Variants in RP1L1 observed in about 807,000 individuals in gnomAD.
The protein encoded by RP1L1 is retinitis pigmentosa 1-like 1 protein.
In RP1L1, 27 loss-of-function variants were observed where a neutral mutation model predicts 15.7. The observed-to-expected ratio is 1.72, with a 90% CI of 1.27 to 2.38. RP1L1 has a LOEUF of 2.38. RP1L1 is among the 30% of genes most tolerant of loss of function. The pLI is 0.00. For missense variants in RP1L1, 4,798 were observed against 3,075.9 expected (o/e 1.56, Z -13.24); for synonymous variants, 1,813 against 1,276.7 (o/e 1.42, Z -8.96).
At chr8:10,632,727 C>T (rs369054882) in intron 1 of RP1L1, among the ~76,000 whole-genome samples, 39 of 152,336 alleles carry the variant, frequency 2.6e-4, no homozygotes, top group East Asian at 1.4e-3. Flanking sequence ...AATGAGTAAA[C>T]GGATCAACAT....
At chr8:10,633,546 C>T (rs549494086) in intron 1 of RP1L1, among the ~76,000 whole-genome samples, 40 of 152,330 alleles carry the variant, frequency 2.6e-4, no homozygotes, top group African/African-American at 9.1e-4. Flanking sequence ...GATGACTCTA[C>T]TATGTGCTAG....
At chr8:10,641,287 A>T (rs942000399) in intron 1 of RP1L1, among the ~76,000 whole-genome samples, 3 of 152,212 alleles carry the variant, frequency 2.0e-5, no homozygotes, top group Non-Finnish European at 2.9e-5. Context: ...TCAGAATAGG[A>T]GAGCCCAAAT....
rs1266884054 is a variant in RP1L1 at position 10,611,570 on chromosome 8, G to A, written c.2528C>T (p.Pro843Leu). The A allele has an allele frequency of 6.2e-7, 1 of 1,606,914 alleles. No individual in the cohort carries two copies. The highest frequency in any genetic ancestry group is 8.5e-7 in the Non-Finnish European group (1 of 1,177,012). Residue 843 changes from proline (P) to leucine (L), a missense_variant, in exon 4 of 4, where the codon CCT becomes CTT. Coordinates refer to ENST00000382483, the MANE Select transcript of RP1L1 (RefSeq NM_178857.6). ...PAQEAQRGPSPEASWLCGRYC... is the reference protein window; with the variant it reads ...PAQEAQRGPSLEASWLCGRYC... ...CCTGCCACACAGCCAGCTAGCCTCA[G>A]GGGAGGGTCCCCGCTGGGCCTCTTG... is the stretch of plus-strand genomic sequence containing the variant.
intron 1 of RP1L1, among the ~76,000 whole-genome samples, chr8:10,652,335 C>G (rs1400348351): frequency 6.6e-6 from 1 of 152,190 alleles, no homozygotes; most frequent in African/African-American, 2.4e-5. Flanking sequence ...AACAGTAAGG[C>G]TGACAATATA....
intron 3 of RP1L1, among the ~76,000 whole-genome samples, chr8:10,614,578 T>C (rs985966183): frequency 2.3e-4 from 35 of 150,960 alleles, no homozygotes; most frequent in African/African-American, 8.5e-4. Context: ...CAAAAATCAC[T>C]TGAACCCGAG....
Position 10,622,573 on chromosome 8 carries a change from G to A in RP1L1, c.609+20C>T, listed in dbSNP as rs370442562. The A allele has an allele frequency of 1.2e-5, 19 of 1,613,928 alleles. No individual in the cohort carries two copies. Among genetic ancestry groups the A allele is most frequent in the South Asian group, 4.4e-5 (4 of 91,022 alleles). ...GTCTAAAGAACCTTTTCAAGGAACC[G>A]TCAGACCCCAACAGCCTACCTTTTT... On this transcript the variant is annotated intron_variant, in intron 2 of 3. Coordinates refer to ENST00000382483, the MANE Select transcript of RP1L1 (RefSeq NM_178857.6).
chr8:10,613,398 G>A, intron 3 of RP1L1, 52 bp from the exon 4 acceptor site: 2 of 1,596,974 alleles, frequency 1.3e-6, no homozygotes, highest in African/African-American at 1.3e-5. Flanking sequence ...TGAGCCATGG[G>A]GGCAGCATCA....
chr8:10,639,484 T>C (rs1798378038), intron 1 of RP1L1, among the ~76,000 whole-genome samples: 1 of 152,180 alleles, frequency 6.6e-6, no homozygotes, highest in Non-Finnish European at 1.5e-5. Flanking sequence ...GCGATCCTTA[T>C]GTCTCAGTCT....
At chr8:10,653,563 T>C (rs114535623) in intron 1 of RP1L1, among the ~76,000 whole-genome samples, 3 of 151,142 alleles carry the variant, frequency 2.0e-5, no homozygotes, top group Admixed American at 6.6e-5. Flanking sequence ...TGTATACACA[T>C]GCACACTCAT....
rs748287645 is a variant in RP1L1 at position 10,610,705 on chromosome 8, G to T, written c.3393C>A (p.Asp1131Glu). The change falls in exon 4 of 4, where the codon GAC becomes GAA. Residue 1131 changes from aspartate to glutamate, a missense_variant. Asp to Glu is a conservative substitution (Grantham distance 45). Transcript: ENST00000382483. ...TCACTTTGCTGGCAGGAGACCCAAG[G>T]TCTTCCTCAAATAACTGCAGACTGG... ...CLASLQLFEE[D>E]LGSPASKVRF... The T allele has an allele frequency of 3.1e-6, 5 of 1,613,536 alleles. No homozygotes were observed. Among genetic ancestry groups the T allele is most frequent in the African/African-American group, 2.7e-5 (2 of 74,934 alleles).
chr8:10,634,117 A>C (rs1798294936), intron 1 of RP1L1, among the ~76,000 whole-genome samples: 1 of 152,142 alleles, frequency 6.6e-6, no homozygotes, highest in Non-Finnish European at 1.5e-5. Flanking sequence ...TCTGAGTAAG[A>C]AGAGAAGTGA....
chr8:10,622,841 C>G lies in RP1L1; in HGVS notation c.361G>C (p.Glu121Gln), dbSNP rs750614061. The change falls in exon 2 of 4, where the codon GAG becomes CAG. Residue 121 changes from glutamate to glutamine, a missense_variant. Coordinates refer to ENST00000382483, the MANE Select transcript of RP1L1 (RefSeq NM_178857.6). The stretch of plus-strand genomic sequence containing the variant: ...AACTGCTGAGCAGTGGGGTTTCTCT[C>G]CTGTGGCCGGCCTGGTCCACTGGGG... ...KTPSGPGRPQ[E>Q]RNPTAQQLRD... 6.2e-7 allele frequency: 1 copy of G among 1,613,158 alleles called. No individual in the cohort carries two copies. Among genetic ancestry groups the G allele is most frequent in the South Asian group, 1.1e-5 (1 of 91,050 alleles).
At chr8:10,625,891 A>G (rs1360896106) in intron 1 of RP1L1, among the ~76,000 whole-genome samples, 3 of 151,778 alleles carry the variant, frequency 2.0e-5, no homozygotes, top group African/African-American at 7.3e-5. Context: ...GAGTCAGTGC[A>G]GGTGGGGGGC....
chr8:10,633,212 G>A (rs1798278312), intron 1 of RP1L1, among the ~76,000 whole-genome samples: 1 of 152,218 alleles, frequency 6.6e-6, no homozygotes, highest in South Asian at 2.1e-4. Flanking sequence ...AGCCAGGAAT[G>A]CTGGCCTCAC....
At chr8:10,638,975 G>A (rs73201178) in intron 1 of RP1L1, among the ~76,000 whole-genome samples, 9,000 of 151,988 alleles carry the variant, frequency 0.059, 309 homozygotes, top group South Asian at 0.078. Context: ...TGAAACCCAG[G>A]CTCTACTAAA....
At position 10,612,790 on chromosome 8, in the gene RP1L1, G is replaced by T; in HGVS notation, c.1308C>A (p.Gly436=). Residue 436 remains glycine (G), a synonymous_variant, in exon 4 of 4, where the codon GGC becomes GGA. Transcript: ENST00000382483. ...WGLAQHVRCS[G]LWGHGTAGRE... ...TCCCGGCAGTCCCGTGGCCCCACAGGCCACTGCAGCGGACGTGCTGGGCCA... is the reference window on the plus strand; with the variant it reads ...TCCCGGCAGTCCCGTGGCCCCACAGTCCACTGCAGCGGACGTGCTGGGCCA... 1 of 1,610,840 alleles carries T rather than the reference G, an allele frequency of 6.2e-7. No individual in the cohort carries two copies. The highest frequency in any genetic ancestry group is 2.2e-5 in the East Asian group (1 of 44,868).
chr8:10,611,221 T>A lies in RP1L1; in HGVS notation c.2877A>T (p.Glu959Asp), dbSNP rs1421245554. Residue 959 changes from glutamate to aspartate, a missense_variant, in exon 4 of 4, where the codon GAA (glutamate) becomes GAT (aspartate). Physicochemically the swap from Glu to Asp is conservative, Grantham distance 45 (BLOSUM62 2). Coordinates refer to ENST00000382483, the MANE Select transcript of RP1L1 (RefSeq NM_178857.6). The stretch of plus-strand genomic sequence containing the variant: ...GCTCTTCTGGAATGTTGTCCAGCCA[T>A]TCGCGGACCACAGCCTCTGGAGACG... ...PRSSPEAVVR[E>D]WLDNIPEEPI... The A allele has an allele frequency of 2.5e-6, 4 of 1,612,894 alleles. No homozygotes were observed. The highest frequency in any genetic ancestry group is 1.3e-5 in the African/African-American group (1 of 74,940).
At position 10,609,702 on chromosome 8, in the gene RP1L1, C is replaced by T. The variant is rs372231577; in HGVS notation, c.4396G>A (p.Glu1466Lys). The T allele has an allele frequency of 4.7e-5, 75 of 1,612,874 alleles. No homozygotes were observed. The African/African-American group carries it at 6.5e-4, about 14-fold the overall frequency. The change falls in exon 4 of 4, where the codon GAG (glutamate) becomes AAG (lysine). Residue 1466 changes from glutamate (E) to lysine (K), a missense_variant. Transcript: ENST00000382483. ...HLSETDPSASERQSGSQLEPG... is the reference protein window; with the variant it reads ...HLSETDPSASKRQSGSQLEPG... Reference sequence around the variant, plus strand: ...TCAAGCTGGGAGCCACTCTGCCTCTCGCTGGCACTTGGGTCCGTCTCGCTG... The same window carrying T: ...TCAAGCTGGGAGCCACTCTGCCTCTTGCTGGCACTTGGGTCCGTCTCGCTG...
At chr8:10,640,975 T>C (rs1262347489) in intron 1 of RP1L1, among the ~76,000 whole-genome samples, 1 of 152,182 alleles carries the variant, frequency 6.6e-6, no homozygotes, top group African/African-American at 2.4e-5. Context: ...TTTTCCGTGT[T>C]GCACAGGCAG....
Sources: allele counts gnomAD v4.1 joint callset (sites outside exome capture counted in the v4.1 genomes callset), GRCh38; gene constraint gnomAD v4.1.1; transcripts MANE v1.5; gene names NCBI Gene and HGNC (gene_info 2026-07-23, HGNC 2026-07-21).